Variants in GUCA1C observed in about 807,000 individuals in gnomAD.
GUCA1C encodes guanylate cyclase activator 1C, also known as guanylyl cyclase-activating protein 3.
GUCA1C carries 15 observed loss-of-function variants against 16.2 expected under a neutral mutation model. That is an observed-to-expected ratio of 0.93 (90% CI 0.62 to 1.43). The LOEUF (loss-of-function observed/expected upper bound fraction) is 1.43. Ranked by LOEUF, GUCA1C falls within the 40% of genes most tolerant of loss-of-function variation. The pLI is 0.00. For synonymous variants in GUCA1C, 78 were observed against 85.4 expected, an observed-to-expected ratio of 0.91 and a Z score of 0.48; for missense variants, 275 against 244.8, an observed-to-expected ratio of 1.12 and a Z score of -0.82.
At chr3:108,924,148 T>C (rs1946597244) in intron 1 of GUCA1C, among the ~76,000 whole-genome samples, 1 of 152,174 alleles carries the variant, frequency 6.6e-6, no homozygotes, top group African/African-American at 2.4e-5. Flanking sequence ...TATTTCTTTC[T>C]CTTGTCTTAT....
At chr3:108,922,505 T>A (rs960477308) in intron 1 of GUCA1C, among the ~76,000 whole-genome samples, 3 of 151,152 alleles carry the variant, frequency 2.0e-5, no homozygotes, top group Non-Finnish European at 4.4e-5. Context: ...ACATTTGTTG[T>A]TTTTTTTATT....
At chr3:108,943,480 T>C (rs1946811283) in intron 1 of GUCA1C, among the ~76,000 whole-genome samples, 1 of 152,066 alleles carries the variant, frequency 6.6e-6, no homozygotes, top group African/African-American at 2.4e-5. Context: ...TTAGGAGGCA[T>C]AGCTGTGAAG....
chr3:108,922,160 A>AC (rs1946575367), intron 1 of GUCA1C, among the ~76,000 whole-genome samples: 25 of 52,116 alleles, frequency 4.8e-4, no homozygotes, highest in African/African-American at 1.7e-3. Flanking sequence ...CACATACACA[A>AC]ACACACACAC....
intron 1 of GUCA1C, among the ~76,000 whole-genome samples, chr3:108,939,303 A>T (rs200970385): frequency 7.7e-6 from 1 of 129,064 alleles, no homozygotes; most frequent in East Asian, 2.1e-4. Context: ...TATAACTGTT[A>T]ATATATTACT....
At chr3:108,949,384 A>G (rs543738706) in intron 1 of GUCA1C, among the ~76,000 whole-genome samples, 2 of 152,048 alleles carry the variant, frequency 1.3e-5, no homozygotes, top group African/African-American at 4.8e-5. Context: ...TGTCCTAGGC[A>G]CTCCTGCAAC....
chr3:108,927,286 C>T (rs376369178), intron 1 of GUCA1C, among the ~76,000 whole-genome samples: 1 of 152,206 alleles, frequency 6.6e-6, no homozygotes, highest in South Asian at 2.1e-4. Context: ...TCCAGCAAGG[C>T]TGAGGAAGTT....
chr3:108,922,824 C>A (rs933943337), intron 1 of GUCA1C, among the ~76,000 whole-genome samples: 1 of 152,160 alleles, frequency 6.6e-6, no homozygotes. Flanking sequence ...CCTCCCCTAG[C>A]CCCCTACCCG....
intron 1 of GUCA1C, among the ~76,000 whole-genome samples, chr3:108,939,324 CTTTTT>C (rs549981150): frequency 2.5e-3 from 83 of 32,902 alleles, no homozygotes; most frequent in Non-Finnish European, 4.2e-3. Flanking sequence ...TGCTTCAAGG[CTTTTT>C]TTTTTTTTTT....
chr3:108,928,259 G>A (rs201625340), intron 1 of GUCA1C, among the ~76,000 whole-genome samples: 1 of 152,318 alleles, frequency 6.6e-6, no homozygotes, highest in East Asian at 1.9e-4. Context: ...GGAGCTGCAA[G>A]CTAGTCCTGC....
At chr3:108,932,146 G>A (rs574086575) in intron 1 of GUCA1C, among the ~76,000 whole-genome samples, 21 of 151,630 alleles carry the variant, frequency 1.4e-4, no homozygotes, top group Admixed American at 1.3e-3. Context: ...CACCGCACCC[G>A]GCCGGGAACA....
chr3:108,909,241 C>A (rs1158078319), intron 3 of GUCA1C, among the ~76,000 whole-genome samples: 1 of 152,166 alleles, frequency 6.6e-6, no homozygotes, highest in Non-Finnish European at 1.5e-5. Flanking sequence ...AGAGAAAAAT[C>A]TAATCTGTGT....
At chr3:108,939,343 T>TTTTTTTG in intron 1 of GUCA1C, among the ~76,000 whole-genome samples, 1 of 130,810 alleles carries the variant, frequency 7.6e-6, no homozygotes, top group Non-Finnish European at 1.6e-5. Flanking sequence ...TTTTTTTTTT[T>TTTTTTTG]TTTTTTGAGA....
chr3:108,940,575 G>A (rs556286427), intron 1 of GUCA1C, among the ~76,000 whole-genome samples: 1 of 152,300 alleles, frequency 6.6e-6, no homozygotes, highest in East Asian at 1.9e-4. Flanking sequence ...AGGGGCAAAT[G>A]TTGCCCAAAA....
chr3:108,913,604 T>A (rs922141527), intron 3 of GUCA1C, among the ~76,000 whole-genome samples: 3 of 152,274 alleles, frequency 2.0e-5, no homozygotes, highest in Non-Finnish European at 1.5e-5. Flanking sequence ...ATGTATGGAA[T>A]GATCCAGCTG....
intron 1 of GUCA1C, among the ~76,000 whole-genome samples, chr3:108,937,522 A>G (rs945788879): frequency 6.6e-6 from 1 of 152,226 alleles, no homozygotes; most frequent in Non-Finnish European, 1.5e-5. Context: ...CATTGCTTCA[A>G]ATCTTAAGAA....
Position 108,953,826 on chromosome 3 carries a change from C to T in GUCA1C, c.-64G>A. On this transcript the variant is annotated 5_prime_UTR_variant, in exon 1 of 4. Coordinates refer to ENST00000261047, the MANE Select transcript of GUCA1C (RefSeq NM_005459.4). Reference sequence around the variant, plus strand: ...CACTTAAGTTTTTGCTGGATTTAGTCCCTTACTCCTCACTAAAACTGAAGG... The same window carrying T: ...CACTTAAGTTTTTGCTGGATTTAGTTCCTTACTCCTCACTAAAACTGAAGG... 1 of 1,114,004 alleles carries T rather than the reference C, an allele frequency of 9.0e-7. No individual in the cohort carries two copies. The highest frequency in any genetic ancestry group is 1.5e-5 in the African/African-American group (1 of 65,212). The allele number at this position is 1,114,004 out of a possible 1,614,324, so 69.0% of individuals were successfully genotyped here. A position where few individuals can be genotyped will look rare whatever the true frequency, so the allele number is the denominator to read the frequency against.
In GUCA1C at chr3:108,946,589, GC is replaced by G. The variant is rs1323857539; in HGVS notation, c.204+6969del. Among the ~76,000 whole-genome samples the G allele has an allele frequency of 3.9e-5, 6 of 152,248 alleles. No individual in the cohort carries two copies. In the East Asian group the frequency reaches 1.2e-3, roughly 29 times the overall value. On this transcript the variant is annotated intron_variant, in intron 1 of 3. Transcript: ENST00000261047. The stretch of plus-strand genomic sequence containing the variant: ...AAAGTAAGACAACCAATAATTATGT[GC>G]CTGTAAAGTATTCTTGCCAAACAAA...
intron 1 of GUCA1C, among the ~76,000 whole-genome samples, chr3:108,948,116 T>C (rs1247059557): frequency 6.6e-6 from 1 of 152,180 alleles, no homozygotes; most frequent in African/African-American, 2.4e-5. Flanking sequence ...TCTTTCCCTG[T>C]TTGTTGATAC....
At position 108,920,548 on chromosome 3, in the gene GUCA1C, A is replaced by G; in HGVS notation, c.242T>C (p.Val81Ala). Residue 81 changes from valine (V) to alanine (A), a missense_variant, in exon 2 of 4, where the codon GTA becomes GCA. Transcript: ENST00000261047. Reference sequence around the variant, plus strand: ...CATTTTTTCTTGCATGATTAGATTTACAGCAGCAATAAACTCCAAAAAGTC... The same window carrying G: ...CATTTTTTCTTGCATGATTAGATTTGCAGCAGCAATAAACTCCAAAAAGTC... ...FVDFLEFIAA[V>A]NLIMQEKMEQ... 3 of 1,553,824 alleles carry G rather than the reference A, an allele frequency of 1.9e-6. No individual in the cohort carries two copies. Among genetic ancestry groups the G allele is most frequent in the Non-Finnish European group, 2.7e-6 (3 of 1,125,396 alleles).
Sources: allele counts gnomAD v4.1 joint callset (sites outside exome capture counted in the v4.1 genomes callset), GRCh38; gene constraint gnomAD v4.1.1; transcripts MANE v1.5; gene names NCBI Gene and HGNC (gene_info 2026-07-23, HGNC 2026-07-21).